Variants in GRIN2A observed in about 807,000 individuals in gnomAD.
GRIN2A encodes glutamate ionotropic receptor NMDA type subunit 2A.
In GRIN2A, 22 loss-of-function variants were observed where a neutral mutation model predicts 113.4. That is an observed-to-expected ratio of 0.19 (90% CI 0.14 to 0.28). The LOEUF (loss-of-function observed/expected upper bound fraction) is 0.28, where lower values mean the gene tolerates loss of function less well. Among genes scored for constraint, GRIN2A ranks in the 10% least tolerant of loss-of-function variants. The probability of loss-of-function intolerance (pLI) is 1.00; values close to 1 mark genes in which losing one functional copy is unlikely to be tolerated. For missense variants in GRIN2A, 1,502 were observed against 1,887.0 expected, an observed-to-expected ratio of 0.80 and a Z score of 3.78; for synonymous variants, 827 against 738.4, an observed-to-expected ratio of 1.12 and a Z score of -1.94.
At chr16:10,014,394 G>T (rs773874481) in intron 2 of GRIN2A, among the ~76,000 whole-genome samples, 3 of 152,148 alleles carry the variant, frequency 2.0e-5, no homozygotes, top group Admixed American at 1.3e-4. Flanking sequence ...GCCACTATAT[G>T]TTCTTTTCTC....
At chr16:9,906,172 C>A (rs1027443065) in intron 3 of GRIN2A, among the ~76,000 whole-genome samples, 1 of 152,182 alleles carries the variant, frequency 6.6e-6, no homozygotes, top group Non-Finnish European at 1.5e-5. Flanking sequence ...TCCCACACCT[C>A]AGTTCTGATC....
At chr16:10,066,571 A>G (rs1274337610) in intron 2 of GRIN2A, among the ~76,000 whole-genome samples, 1 of 152,038 alleles carries the variant, frequency 6.6e-6, no homozygotes, top group Non-Finnish European at 1.5e-5. Context: ...ACTCACAATC[A>G]CTTATTCTGA....
chr16:9,909,519 C>T (rs1369865957), intron 3 of GRIN2A, among the ~76,000 whole-genome samples: 1 of 152,192 alleles, frequency 6.6e-6, no homozygotes, highest in Non-Finnish European at 1.5e-5. Flanking sequence ...TATGAATTTT[C>T]CATTTTATTT....
intron 3 of GRIN2A, among the ~76,000 whole-genome samples, chr16:9,930,927 G>T (rs957933657): frequency 3.3e-5 from 5 of 152,110 alleles, no homozygotes; most frequent in Non-Finnish European, 7.4e-5. Context: ...TTCCCTTTCT[G>T]CAGGGGTAAT....
At chr16:9,966,123 TCTTTTA>T (rs376934585) in intron 2 of GRIN2A, among the ~76,000 whole-genome samples, 60 of 152,326 alleles carry the variant, frequency 3.9e-4, no homozygotes, top group African/African-American at 1.4e-3. Context: ...TCTCAACTTT[TCTTTTA>T]CTTTTAAGTT....
intron 2 of GRIN2A, among the ~76,000 whole-genome samples, chr16:10,102,815 G>C (rs182085541): frequency 1.6e-4 from 24 of 152,260 alleles, no homozygotes; most frequent in African/African-American, 5.8e-4. Context: ...GTAGAGCTAG[G>C]ATTCAAACTT....
intron 8 of GRIN2A, among the ~76,000 whole-genome samples, chr16:9,831,092 G>A (rs752105404): frequency 2.0e-5 from 3 of 152,126 alleles, no homozygotes; most frequent in Non-Finnish European, 4.4e-5. Context: ...AAACCATTTT[G>A]TACAAAGAAA....
At chr16:10,123,788 G>A (rs1157420287) in intron 2 of GRIN2A, among the ~76,000 whole-genome samples, 1 of 152,150 alleles carries the variant, frequency 6.6e-6, no homozygotes, top group African/African-American at 2.4e-5. Context: ...TCTGTAATCA[G>A]ACTACCTGGG....
At chr16:9,806,926 T>C (rs966235088) in intron 10 of GRIN2A, among the ~76,000 whole-genome samples, 2 of 151,920 alleles carry the variant, frequency 1.3e-5, no homozygotes, top group Admixed American at 6.5e-5. Flanking sequence ...GGGGGATAAA[T>C]GAATCATGGG....
intron 2 of GRIN2A, among the ~76,000 whole-genome samples, chr16:9,953,728 T>C (rs2045236507): frequency 6.6e-6 from 1 of 151,232 alleles, no homozygotes; most frequent in East Asian, 1.9e-4. Context: ...GCCACGGGAG[T>C]AGAGAGCTTG....
At chr16:9,953,218 G>A (rs1025928718) in intron 2 of GRIN2A, among the ~76,000 whole-genome samples, 4 of 152,192 alleles carry the variant, frequency 2.6e-5, no homozygotes, top group African/African-American at 9.7e-5. Context: ...ACTGGTCTTG[G>A]CAACTCATGG....
intron 2 of GRIN2A, among the ~76,000 whole-genome samples, chr16:10,051,619 T>C (rs1031278308): frequency 1.3e-5 from 2 of 152,164 alleles, no homozygotes; most frequent in African/African-American, 2.4e-5. Context: ...GACTGGACCA[T>C]TCGAATTGAA....
chr16:10,114,847 C>G (rs759757569), intron 2 of GRIN2A, among the ~76,000 whole-genome samples: 1 of 152,314 alleles, frequency 6.6e-6, no homozygotes, highest in East Asian at 1.9e-4. Flanking sequence ...CCCCGATGTG[C>G]CAGGTCTGCA....
chr16:9,826,000 G>A (rs554091534), intron 9 of GRIN2A, among the ~76,000 whole-genome samples: 2 of 150,994 alleles, frequency 1.3e-5, no homozygotes, highest in South Asian at 2.2e-4. Context: ...AAGAGAAGGA[G>A]AGGGGGAGGA....
At chr16:9,946,015 T>C (rs931456260) in intron 2 of GRIN2A, among the ~76,000 whole-genome samples, 2 of 152,150 alleles carry the variant, frequency 1.3e-5, no homozygotes, top group Non-Finnish European at 2.9e-5. Flanking sequence ...GAGAAATGTA[T>C]TTCTTGATTC....
At chr16:9,973,803 C>A (rs1355140749) in intron 2 of GRIN2A, among the ~76,000 whole-genome samples, 1 of 151,984 alleles carries the variant, frequency 6.6e-6, no homozygotes, top group East Asian at 1.9e-4. Context: ...AAAACAAATT[C>A]TATAATTAGT....
At position 9,947,815 on chromosome 16, in the gene GRIN2A, C is replaced by T. The variant is rs555247107; in HGVS notation, c.415-9264G>A. On this transcript the variant is annotated intron_variant, in intron 2 of 12. Coordinates refer to ENST00000330684, the MANE Select transcript of GRIN2A (RefSeq NM_001134407.3). The stretch of plus-strand genomic sequence containing the variant: ...TTTTTTAAATGGAGGGAATTTTATT[C>T]CCTACCTTAAAGAGGTTGTTGTGAT... Among the ~76,000 whole-genome samples the T allele has an allele frequency of 7.9e-5, 12 of 151,884 alleles. 1 individual carries two copies. In the South Asian group the frequency reaches 2.3e-3, roughly 29 times the overall value.
chr16:9,775,722 C>A (rs568863609), intron 11 of GRIN2A, among the ~76,000 whole-genome samples: 1 of 152,186 alleles, frequency 6.6e-6, no homozygotes, highest in Non-Finnish European at 1.5e-5. Context: ...ACAGCAAGGC[C>A]GTCAGATGTA....
At chr16:10,057,914 G>T (rs59861689) in intron 2 of GRIN2A, among the ~76,000 whole-genome samples, 10,155 of 152,262 alleles carry the variant, frequency 0.067, 557 homozygotes, top group African/African-American at 0.16. Flanking sequence ...TGGCAGGCTG[G>T]TGAAGCCTTC....
Sources: gnomAD v4.1 joint callset for allele counts (sites outside exome capture counted in the v4.1 genomes callset) on GRCh38, gnomAD v4.1.1 for gene constraint, MANE v1.5 for transcripts, NCBI Gene and HGNC (gene_info 2026-07-23, HGNC 2026-07-21) for gene names.